The following THAP4 variants were observed in gnomAD, a reference collection of about 807,000 sequenced individuals.
THAP4 encodes peroxynitrite isomerase THAP4.
In THAP4, 18 loss-of-function variants were observed where a neutral mutation model predicts 48.1. The ratio of observed to expected loss-of-function variants is 0.37; its 90% CI spans 0.26 to 0.56. The LOEUF (loss-of-function observed/expected upper bound fraction) is 0.56. Among genes scored for constraint, THAP4 ranks in the 20% least tolerant of loss-of-function variants. The pLI is 0.78. For missense variants in THAP4, 656 were observed against 774.9 expected (o/e 0.85, Z 1.82); for synonymous variants, 345 against 324.9 (o/e 1.06, Z -0.66).
At chr2:241,637,168 G>GGCGCCCGCAGCGGGCCC (rs1402587454), upstream of THAP4, 1,936 of 988,280 alleles carry the variant, frequency 2.0e-3, 4 homozygotes, top group Non-Finnish European at 2.2e-3. Flanking sequence ...TGGAGGCGCA[G>GGCGCCCGCAGCGGGCCC]GCGCCCGCAG....
At chr2:241,595,278 G>A (rs549328818) in intron 5 of THAP4, among the ~76,000 whole-genome samples, 1 of 152,144 alleles carries the variant, frequency 6.6e-6, no homozygotes, top group Admixed American at 6.5e-5. Flanking sequence ...GCCTCCTACA[G>A]AGCTGGGATT....
chr2:241,633,130 C>T lies in THAP4; in HGVS notation c.1027G>A (p.Asp343Asn). 3 of 1,612,042 alleles carry T rather than the reference C, an allele frequency of 1.9e-6. No homozygotes were observed. Among genetic ancestry groups the T allele is most frequent in the African/African-American group, 1.3e-5 (1 of 74,958 alleles). Residue 343 changes from aspartate to asparagine, a missense_variant, in exon 2 of 6, where the codon GAC becomes AAC. Physicochemically the swap from Asp to Asn is conservative, Grantham distance 23. Around this residue, in one of 4 missense-constraint regions of THAP4, gnomAD observed 391 missense variants for 412.4 expected, o/e 0.95. Coordinates refer to ENST00000407315, the MANE Select transcript of THAP4 (RefSeq NM_015963.6). This position sits in a 1 kb window ranked among gnomAD's most constrained non-coding sequence, Gnocchi z 7.5. ...GAGAAGCAGTAGGAGTGCAGTGAGT[C>T]GATGAGCTTGCAGGCCCCTGACGCC... ...LSASGACKLI[D>N]SLHSYCFSSR...
In THAP4 at chr2:241,606,295, G is replaced by A. The variant is rs1389393688; in HGVS notation, c.1400+19C>T. ...CGGCCCATGAGTCAAGCAGGGTGGG[G>A]TGGAGGGAGACAACTTACGAGAAGT... On this transcript the variant is annotated intron_variant, in intron 3 of 5. Coordinates refer to ENST00000407315, the MANE Select transcript of THAP4 (RefSeq NM_015963.6). 2 of 1,543,364 alleles carry A rather than the reference G, an allele frequency of 1.3e-6. No individual in the cohort carries two copies. The highest frequency in any genetic ancestry group is 1.8e-6 in the Non-Finnish European group (2 of 1,140,928).
intron 2 of THAP4, among the ~76,000 whole-genome samples, chr2:241,623,511 G>A (rs1253938115): frequency 6.6e-6 from 1 of 151,880 alleles, no homozygotes; most frequent in Non-Finnish European, 1.5e-5. Flanking sequence ...CTCAGGAGGC[G>A]GAGGTTGCGG....
At chr2:241,597,193 C>T (rs1456726646) in intron 5 of THAP4, among the ~76,000 whole-genome samples, 2 of 152,122 alleles carry the variant, frequency 1.3e-5, no homozygotes, top group African/African-American at 2.4e-5. Context: ...TGCAGTGGCG[C>T]GATCTCGGCT....
chr2:241,619,897 CGTGAGTGAGGG>C, intron 2 of THAP4, among the ~76,000 whole-genome samples: 1 of 18,994 alleles, frequency 5.3e-5, no homozygotes, highest in Non-Finnish European at 9.5e-5. Context: ...AGGGGTGAGT[CGTGAGTGAGGG>C]GTGAATGAGG....
At chr2:241,629,782 A>T (rs898165829) in intron 2 of THAP4, among the ~76,000 whole-genome samples, 1 of 151,702 alleles carries the variant, frequency 6.6e-6, no homozygotes, top group Non-Finnish European at 1.5e-5. Flanking sequence ...GGCAGAAAGC[A>T]AAACTTGGAC....
intron 2 of THAP4, among the ~76,000 whole-genome samples, chr2:241,613,235 T>C (rs1203433922): frequency 1.4e-5 from 2 of 145,110 alleles, no homozygotes; most frequent in African/African-American, 2.6e-5. Flanking sequence ...AGGGAAATGA[T>C]GCGGAAAGAA....
chr2:241,628,872 C>T (rs546525504), intron 2 of THAP4, among the ~76,000 whole-genome samples: 5 of 131,280 alleles, frequency 3.8e-5, no homozygotes, highest in South Asian at 4.9e-4. Context: ...CCCAGGGGGT[C>T]GTGGCCGCAG....
In THAP4 at chr2:241,633,194, G is replaced by A. The variant is rs778142077; in HGVS notation, c.963C>T (p.Ser321=). ...CGTTGATGGACATGGGGCTGGCGTC[G>A]CTGTGCTCGCTCTGCACGGCTTCCG... ...PATEAVQSEH[S]DASPMSINEV... is the part of the protein sequence containing the mutation. Residue 321 remains serine (S), a synonymous_variant, in exon 2 of 6, where the codon AGC becomes AGT. Transcript: ENST00000407315. The surrounding 1 kb of genome is among the most constrained non-coding windows in gnomAD (Gnocchi z 7.5). 10 of 1,608,190 alleles carry A rather than the reference G, an allele frequency of 6.2e-6. No individual in the cohort carries two copies. The highest frequency in any genetic ancestry group is 2.2e-5 in the East Asian group (1 of 44,782).
At chr2:241,621,147 A>C (rs1354031697) in intron 2 of THAP4, among the ~76,000 whole-genome samples, 2 of 152,178 alleles carry the variant, frequency 1.3e-5, no homozygotes, top group Non-Finnish European at 2.9e-5. Context: ...CAGGAGTTCG[A>C]GACCAGCCTG....
chr2:241,613,226 G>A (rs906688988), intron 2 of THAP4, among the ~76,000 whole-genome samples: 1 of 151,028 alleles, frequency 6.6e-6, no homozygotes, highest in Non-Finnish European at 1.5e-5. Flanking sequence ...GGAGACAATA[G>A]GGAAATGATG....
At chr2:241,628,465 C>G (rs991403284) in intron 2 of THAP4, among the ~76,000 whole-genome samples, 6 of 152,076 alleles carry the variant, frequency 3.9e-5, no homozygotes, top group African/African-American at 1.4e-4. Context: ...AAAAGCCTCT[C>G]CCACTTAGCA....
chr2:241,593,673 G>A (rs993851304), intron 5 of THAP4, among the ~76,000 whole-genome samples: 2 of 152,140 alleles, frequency 1.3e-5, no homozygotes, highest in Non-Finnish European at 2.9e-5. Context: ...GTGTTTCAGA[G>A]GCAATTCAGT....
chr2:241,626,392 G>A (rs1205532106), intron 2 of THAP4, among the ~76,000 whole-genome samples: 1 of 151,892 alleles, frequency 6.6e-6, no homozygotes, highest in African/African-American at 2.4e-5. Context: ...AGTGAGCCTA[G>A]ATATCGCCAT....
intron 5 of THAP4, among the ~76,000 whole-genome samples, chr2:241,599,661 C>T (rs913630023): frequency 5.9e-5 from 9 of 152,088 alleles, no homozygotes; most frequent in African/African-American, 1.9e-4. Context: ...TACACTGTCA[C>T]GCTGCATATT....
At chr2:241,591,768 A>G (rs1289748181) in intron 5 of THAP4, among the ~76,000 whole-genome samples, 1 of 152,254 alleles carries the variant, frequency 6.6e-6, no homozygotes, top group Non-Finnish European at 1.5e-5. Context: ...TGAACTGTGA[A>G]GCTTCCAGAA....
chr2:241,629,717 G>A (rs763132046), intron 2 of THAP4, among the ~76,000 whole-genome samples: 2 of 151,726 alleles, frequency 1.3e-5, no homozygotes, highest in Non-Finnish European at 2.9e-5. Context: ...GGGACAAAAA[G>A]GAGTTTCTTG....
intron 2 of THAP4, among the ~76,000 whole-genome samples, chr2:241,625,232 T>C (rs897680894): frequency 2.6e-5 from 4 of 152,070 alleles, no homozygotes; most frequent in African/African-American, 9.7e-5. Flanking sequence ...CCCAACACTT[T>C]CAGAGGCCAA....
Sources: allele counts gnomAD v4.1 joint callset (sites outside exome capture counted in the v4.1 genomes callset), GRCh38; gene constraint gnomAD v4.1.1; regional missense constraint gnomAD v4.1.1; non-coding constraint Gnocchi (gnomAD v3.1); transcripts MANE v1.5; gene names NCBI Gene and HGNC (gene_info 2026-07-23, HGNC 2026-07-21).